PHF11: variants seen among roughly 807,000 people sequenced by gnomAD.
PHF11 encodes the protein BRCA1 C-terminus-associated protein.
PHF11 carries 38 observed loss-of-function variants against 40.5 expected under a neutral mutation model. That is an observed-to-expected ratio of 0.94 (90% CI 0.72 to 1.23). The LOEUF (loss-of-function observed/expected upper bound fraction) is 1.23, where lower values mean the gene tolerates loss of function less well. PHF11 is among the 50% of genes most tolerant of loss of function. The pLI is 0.00. For missense variants in PHF11, 369 were observed against 392.4 expected (o/e 0.94, Z 0.50); for synonymous variants, 127 against 138.2 (o/e 0.92, Z 0.57).
intron 1 of PHF11, among the ~76,000 whole-genome samples, chr13:49,505,835 C>G (rs1958980397): frequency 6.6e-6 from 1 of 152,016 alleles, no homozygotes; most frequent in South Asian, 2.1e-4. Flanking sequence ...CTTTCCTAAT[C>G]ATGATATTGA....
rs767620664 is a variant in PHF11 at position 49,518,073 on chromosome 13, G to C, written c.380G>C (p.Cys127Ser). The part of the protein sequence containing the change: ...GATVGCDLKN[C>S]NKNYHFFCAK... ...ACCGTGGGATGTGATTTAAAAAACT[G>C]TAACAAGAATTACCACTTTTTCTGT... Residue 127 changes from cysteine to serine, a missense_variant, in exon 4 of 10, where the codon TGT becomes TCT. Physicochemically the swap from Cys to Ser is moderately radical, Grantham distance 112. Transcript: ENST00000378319. 1.4e-5 allele frequency: 23 copies of C among 1,599,622 alleles called. No individual in the cohort carries two copies. Among genetic ancestry groups the C allele is most frequent in the Non-Finnish European group, 1.8e-5 (21 of 1,167,944 alleles).
chr13:49,504,023 C>T (rs1022312677), intron 1 of PHF11, among the ~76,000 whole-genome samples: 1 of 152,196 alleles, frequency 6.6e-6, no homozygotes, highest in African/African-American at 2.4e-5. Context: ...TAGGCCCAGC[C>T]TCCTTTTTGA....
chr13:49,497,023 G>C, intron 1 of PHF11: 3 of 1,213,962 alleles, frequency 2.5e-6, no homozygotes, highest in Non-Finnish European at 3.2e-6. Context: ...AGTAGAGAGG[G>C]TTTCTCCATG....
intron 1 of PHF11, among the ~76,000 whole-genome samples, chr13:49,497,625 C>G (rs937256780): frequency 6.6e-6 from 1 of 152,224 alleles, no homozygotes; most frequent in African/African-American, 2.4e-5. Context: ...TACAGGCAGG[C>G]CTGCAGAGCG....
intron 2 of PHF11, among the ~76,000 whole-genome samples, chr13:49,508,512 G>T (rs1959041797): frequency 6.6e-6 from 1 of 150,688 alleles, no homozygotes; most frequent in South Asian, 2.1e-4. Context: ...TAGAACTTGG[G>T]GTTGGGCATA....
At chr13:49,499,960 C>T (rs1223741310) in intron 1 of PHF11, among the ~76,000 whole-genome samples, 1 of 152,196 alleles carries the variant, frequency 6.6e-6, no homozygotes, top group African/African-American at 2.4e-5. Context: ...AGATTCTGTG[C>T]CCTGGGTGGA....
chr13:49,515,410 G>A (rs1031630549), intron 3 of PHF11, among the ~76,000 whole-genome samples: 1 of 148,868 alleles, frequency 6.7e-6, no homozygotes, highest in Non-Finnish European at 1.5e-5. Flanking sequence ...ACATCCAATA[G>A]CATTTCAGAG....
In PHF11 at chr13:49,524,037, T is replaced by C. The variant is rs190071191; in HGVS notation, c.638-48T>C. 4.6e-6 allele frequency: 7 copies of C among 1,528,342 alleles called. No individual in the cohort carries two copies. In the African/African-American group the frequency reaches 7.0e-5, roughly 15 times the overall value. 94.7% of individuals were successfully genotyped at this position (1,528,342 alleles called of 1,614,324 possible). ...AAATAAGCATAAAGTAATTTATGAT[T>C]AGCTGCCCTAAGACTATTTCCTTCT... On this transcript the variant is annotated intron_variant, in intron 7 of 9. Coordinates refer to ENST00000378319, the MANE Select transcript of PHF11 (RefSeq NM_001040443.3).
chr13:49,523,133 A>G (rs989352804), intron 6 of PHF11, 42 bp from the exon 7 acceptor site: 6 of 1,255,220 alleles, frequency 4.8e-6, no homozygotes, highest in Non-Finnish European at 7.0e-6. Context: ...ATTTTATGCA[A>G]TATTAAAATC....
In PHF11 at chr13:49,495,953, A is replaced by C; in HGVS notation, c.-49A>C. The C allele has an allele frequency of 8.1e-7, 1 of 1,239,380 alleles. No homozygotes were observed. The highest frequency in any genetic ancestry group is 1.1e-6 in the Non-Finnish European group (1 of 896,846). 76.8% of individuals were successfully genotyped at this position (1,239,380 alleles called of 1,614,324 possible). On this transcript the variant is annotated 5_prime_UTR_variant, in exon 1 of 10. Coordinates refer to ENST00000378319, the MANE Select transcript of PHF11 (RefSeq NM_001040443.3). ...AAACGAAACCTAGTGCAGCTGGGGCACTTCCGGGATCTCGCTATCCGGCCG... is the reference window on the plus strand; with the variant it reads ...AAACGAAACCTAGTGCAGCTGGGGCCCTTCCGGGATCTCGCTATCCGGCCG...
Position 49,495,976 on chromosome 13 carries a change from C to T in PHF11, c.-26C>T, listed in dbSNP as rs1326637193. 1 of 1,462,748 alleles carries T rather than the reference C, an allele frequency of 6.8e-7. No individual in the cohort carries two copies. The highest frequency in any genetic ancestry group is 9.1e-7 in the Non-Finnish European group (1 of 1,096,434). The allele number at this position is 1,462,748 out of a possible 1,614,324, so 90.6% of individuals were successfully genotyped here. A position where few individuals can be genotyped will look rare whatever the true frequency, so the allele number is the denominator to read the frequency against. Reference sequence around the variant, plus strand: ...GCACTTCCGGGATCTCGCTATCCGGCCGCCACCCGCAGCTGCAGCACAGTC... The same window carrying T: ...GCACTTCCGGGATCTCGCTATCCGGTCGCCACCCGCAGCTGCAGCACAGTC... On this transcript the variant is annotated 5_prime_UTR_variant, in exon 1 of 10. Coordinates refer to ENST00000378319, the MANE Select transcript of PHF11 (RefSeq NM_001040443.3).
In PHF11 at chr13:49,513,049, C is replaced by T; in HGVS notation, c.217-10C>T. The stretch of plus-strand genomic sequence containing the variant: ...TGTGCATACTCTGGATTTTTTTTTC[C>T]AATCTGCAGCTGTATTCTTCAGGAC... On this transcript the variant is annotated splice_polypyrimidine_tract_variant and intron_variant, in intron 2 of 9. Coordinates refer to ENST00000378319, the MANE Select transcript of PHF11 (RefSeq NM_001040443.3). 7.3e-7 allele frequency: 1 copy of T among 1,379,236 alleles called. No homozygotes were observed. Among genetic ancestry groups the T allele is most frequent in the Non-Finnish European group, 1.0e-6 (1 of 982,416 alleles). 85.4% of individuals were successfully genotyped at this position (1,379,236 alleles called of 1,614,324 possible).
intron 5 of PHF11, 89 bp from the exon 6 acceptor site, chr13:49,521,954 C>A: frequency 1.6e-6 from 1 of 612,964 alleles, no homozygotes; most frequent in Admixed American, 3.1e-5. Context: ...TTTGTAAAAA[C>A]TTTTGGCATA....
chr13:49,505,113 A>T (rs181749746), intron 1 of PHF11, among the ~76,000 whole-genome samples: 228 of 150,292 alleles, frequency 1.5e-3, no homozygotes, highest in African/African-American at 5.0e-3. Context: ...AAAAATAAAT[A>T]AAAAAATAAT....
chr13:49,513,204 C>A, intron 3 of PHF11, 38 bp downstream of exon 3: 1 of 975,756 alleles, frequency 1.0e-6, no homozygotes, highest in Non-Finnish European at 1.6e-6. Context: ...ACTGGATGAA[C>A]AGACCCTCAA....
chr13:49,518,430 G>C (rs1446310057), intron 4 of PHF11: 1 of 173,392 alleles, frequency 5.8e-6, no homozygotes, highest in Non-Finnish European at 1.2e-5. Context: ...TGTTACATTC[G>C]TAAGATGATT....
In PHF11 at chr13:49,495,960, G is replaced by T. The variant is rs1398329924; in HGVS notation, c.-42G>T. On this transcript the variant is annotated 5_prime_UTR_variant, in exon 1 of 10. Coordinates refer to ENST00000378319, the MANE Select transcript of PHF11 (RefSeq NM_001040443.3). ...ACCTAGTGCAGCTGGGGCACTTCCG[G>T]GATCTCGCTATCCGGCCGCCACCCG... 4 of 1,335,450 alleles carry T rather than the reference G, an allele frequency of 3.0e-6. No homozygotes were observed. Among genetic ancestry groups the T allele is most frequent in the Non-Finnish European group, 4.1e-6 (4 of 980,750 alleles). 82.7% of individuals were successfully genotyped at this position (1,335,450 alleles called of 1,614,324 possible). A position where few individuals can be genotyped will look rare whatever the true frequency, so the allele number is the denominator to read the frequency against.
At chr13:49,514,377 G>C (rs1404015461) in intron 3 of PHF11, among the ~76,000 whole-genome samples, 2 of 152,198 alleles carry the variant, frequency 1.3e-5, no homozygotes, top group Non-Finnish European at 2.9e-5. Flanking sequence ...AAAGGCAACA[G>C]TCCAGATGGA....
chr13:49,513,133 AG>A lies in PHF11; in HGVS notation c.292del (p.Val98Ter). 1 of 1,584,966 alleles carries A rather than the reference AG, an allele frequency of 6.3e-7. No homozygotes were observed. On this transcript the variant is annotated frameshift_variant, in exon 3 of 10. Coordinates refer to ENST00000378319, the MANE Select transcript of PHF11 (RefSeq NM_001040443.3). LOFTEE classifies it high-confidence loss of function. Reference protein sequence around the residue: ...NPDRSFDVESVKKEIQRGRKL... With the variant: ...NPDRSFDVESXKKEIQRGRKL... Reference sequence around the variant, plus strand: ...CTGATAGAAGTTTTGATGTGGAATCAGTAAAGAAAGAAATCCAGAGAGGAAG... The same window carrying A: ...CTGATAGAAGTTTTGATGTGGAATCATAAAGAAAGAAATCCAGAGAGGAAG...
Sources: allele counts gnomAD v4.1 joint callset (sites outside exome capture counted in the v4.1 genomes callset), GRCh38; gene constraint gnomAD v4.1.1; transcripts MANE v1.5; gene names NCBI Gene and HGNC (gene_info 2026-07-23, HGNC 2026-07-21).